Variants in SIPA1L1 observed in about 807,000 individuals in gnomAD.
SIPA1L1 encodes the protein signal-induced proliferation-associated 1-like protein 1.
In SIPA1L1, 26 loss-of-function variants were observed where a neutral mutation model predicts 162.7. The ratio of observed to expected loss-of-function variants is 0.16; its 90% CI spans 0.12 to 0.22. SIPA1L1 has a LOEUF of 0.22. Ranked by LOEUF, SIPA1L1 falls within the 10% of genes least tolerant of loss-of-function variation. SIPA1L1 has a pLI of 1.00. For missense variants in SIPA1L1, 1,874 were observed against 2,241.0 expected (o/e 0.84, Z 3.31); for synonymous variants, 829 against 837.4 (o/e 0.99, Z 0.17).
intron 4 of SIPA1L1, among the ~76,000 whole-genome samples, chr14:71,568,003 G>A (rs1446698076): frequency 1.3e-5 from 2 of 152,226 alleles, no homozygotes; most frequent in African/African-American, 2.4e-5. Flanking sequence ...ATAACGAGCA[G>A]TGAAGACAAC....
intron 2 of SIPA1L1, among the ~76,000 whole-genome samples, chr14:71,453,207 A>G (rs1347860883): frequency 6.6e-6 from 1 of 152,226 alleles, no homozygotes; most frequent in East Asian, 1.9e-4. Flanking sequence ...CAATATGCCA[A>G]TAATGACTCA....
chr14:71,478,995 C>T (rs2048105963), intron 2 of SIPA1L1, among the ~76,000 whole-genome samples: 2 of 152,094 alleles, frequency 1.3e-5, no homozygotes, highest in Non-Finnish European at 2.9e-5. Context: ...GTGTTTCCCC[C>T]ATTTTCTCCA....
chr14:71,701,439 C>T (rs1018183289), intron 14 of SIPA1L1, among the ~76,000 whole-genome samples: 6 of 150,990 alleles, frequency 4.0e-5, no homozygotes, highest in Non-Finnish European at 8.8e-5. Flanking sequence ...CAGGTCTTGA[C>T]TCTTGTCTTC....
At chr14:71,366,045 G>C (rs2038265678) in intron 2 of SIPA1L1, among the ~76,000 whole-genome samples, 1 of 151,968 alleles carries the variant, frequency 6.6e-6, no homozygotes, top group Non-Finnish European at 1.5e-5. Context: ...AAGTCTTAAA[G>C]CTGTGGTTCT....
chr14:71,414,624 A>T (rs1356596053), intron 2 of SIPA1L1, among the ~76,000 whole-genome samples: 3 of 152,194 alleles, frequency 2.0e-5, no homozygotes, highest in African/African-American at 7.2e-5. Context: ...TTACATGTTT[A>T]TGTTTTCCCT....
intron 2 of SIPA1L1, among the ~76,000 whole-genome samples, chr14:71,328,180 C>A (rs765817525): frequency 6.6e-6 from 1 of 152,088 alleles, no homozygotes; most frequent in Non-Finnish European, 1.5e-5. Context: ...AATAATGTTT[C>A]AGTAGATAAA....
chr14:71,476,722 G>C (rs1413565935), intron 2 of SIPA1L1, among the ~76,000 whole-genome samples: 1 of 151,270 alleles, frequency 6.6e-6, no homozygotes, highest in Non-Finnish European at 1.5e-5. Context: ...CTGTTGCCCA[G>C]GCTGGAGTGC....
intron 5 of SIPA1L1, among the ~76,000 whole-genome samples, chr14:71,609,923 G>A (rs2038006474): frequency 6.6e-6 from 1 of 151,352 alleles, no homozygotes; most frequent in Non-Finnish European, 1.5e-5. Context: ...AGTGCATGGA[G>A]TAAAAATACA....
rs117852226 is a variant in SIPA1L1, at chr14:71,666,172, T to G, written c.2255+4705T>G. On this transcript the variant is annotated intron_variant, in intron 10 of 23. Coordinates refer to ENST00000381232, the MANE Select transcript of SIPA1L1 (RefSeq NM_001386936.1). ...ATACAACCTCACCTATGAATTATTT[T>G]TGCTACCCCCTAAAAAAAATTAAAT... Among the ~76,000 whole-genome samples the G allele has an allele frequency of 9.5e-3, 1,444 of 152,284 alleles. 11 individuals are homozygous for G. Among genetic ancestry groups the G allele is most frequent in the Middle Eastern group, 0.017 (5 of 294 alleles).
intron 2 of SIPA1L1, among the ~76,000 whole-genome samples, chr14:71,360,650 G>A (rs2037723031): frequency 6.6e-6 from 1 of 152,184 alleles, no homozygotes. Flanking sequence ...GTGTAAGTAT[G>A]TGCATTATTT....
intron 2 of SIPA1L1, among the ~76,000 whole-genome samples, chr14:71,444,877 A>C (rs750099335): frequency 6.6e-6 from 1 of 152,204 alleles, no homozygotes; most frequent in African/African-American, 2.4e-5. Context: ...GCTCTTTGCC[A>C]CTAAAGCCTG....
intron 2 of SIPA1L1, among the ~76,000 whole-genome samples, chr14:71,337,056 C>T (rs904550683): frequency 6.6e-6 from 1 of 152,170 alleles, no homozygotes; most frequent in Admixed American, 6.5e-5. Context: ...TTCTAAGGGA[C>T]CACTTAGTTA....
chr14:71,730,171 C>T lies in SIPA1L1; in HGVS notation c.4731C>T (p.Phe1577=), dbSNP rs551486545. ...SIYNSQREHF[F]TSRASLLDQA... ...ACAATAGCCAGAGGGAGCACTTTTTCACCTCCAGGGCGTCACTTCTGGACC... is the reference window on the plus strand; with the variant it reads ...ACAATAGCCAGAGGGAGCACTTTTTTACCTCCAGGGCGTCACTTCTGGACC... Residue 1577 remains phenylalanine (F), a synonymous_variant, in exon 20 of 24, where the codon TTC becomes TTT. Transcript: ENST00000381232. The T allele has an allele frequency of 3.1e-6, 5 of 1,614,154 alleles. No individual in the cohort carries two copies. Among genetic ancestry groups the T allele is most frequent in the East Asian group, 4.5e-5 (2 of 44,884 alleles).
intron 2 of SIPA1L1, among the ~76,000 whole-genome samples, chr14:71,481,232 A>G (rs1288030851): frequency 1.3e-5 from 2 of 152,222 alleles, no homozygotes; most frequent in Non-Finnish European, 2.9e-5. Flanking sequence ...TAACCCTAGC[A>G]CTTTGAGAAC....
chr14:71,360,635 T>C (rs539978179), intron 2 of SIPA1L1, among the ~76,000 whole-genome samples: 1 of 152,248 alleles, frequency 6.6e-6, no homozygotes, highest in Non-Finnish European at 1.5e-5. Flanking sequence ...TTTCTCTTTT[T>C]ATGTGTGTAA....
chr14:71,544,239 T>C lies in SIPA1L1; in HGVS notation c.-303+14869T>C, dbSNP rs145463144. On this transcript the variant is annotated intron_variant, in intron 4 of 23. Transcript: ENST00000381232. ...TGTGTATATACATATATCATGTATG[T>C]ATACACATATGTATATACACATGAT... Among the ~76,000 whole-genome samples the C allele has an allele frequency of 7.3e-4, 105 of 144,342 alleles. 1 individual carries two copies. In the East Asian group the frequency reaches 0.017, roughly 23 times the overall value. 94.7% of individuals were successfully genotyped at this position (144,342 alleles called of 152,430 possible). A position where few individuals can be genotyped will look rare whatever the true frequency, so the allele number is the denominator to read the frequency against.
intron 2 of SIPA1L1, among the ~76,000 whole-genome samples, chr14:71,433,218 G>C (rs142769562): frequency 4.6e-5 from 7 of 152,266 alleles, no homozygotes; most frequent in African/African-American, 1.7e-4. Flanking sequence ...CTTTTTACCC[G>C]TTCAGGGAAC....
At chr14:71,330,505 C>G (rs564120867) in intron 2 of SIPA1L1, 1 of 1,597,558 alleles carries the variant, frequency 6.3e-7, no homozygotes, top group Non-Finnish European at 8.6e-7. Flanking sequence ...AAGTCCTGCT[C>G]TATGTGCATC....
chr14:71,476,992 C>T lies in SIPA1L1; in HGVS notation c.-464-35751C>T, dbSNP rs566764422. ...TTTGTGGGCCAGGCATAGTGGCTCA[C>T]GCCTATAATCCCAGCACTTTGGGAG... is the stretch of plus-strand genomic sequence containing the variant. On this transcript the variant is annotated intron_variant, in intron 2 of 23. Coordinates refer to ENST00000381232, the MANE Select transcript of SIPA1L1 (RefSeq NM_001386936.1). Among the ~76,000 whole-genome samples, 7 of 152,228 alleles carry T rather than the reference C, an allele frequency of 4.6e-5. No homozygotes were observed. In the South Asian group the frequency reaches 6.2e-4, roughly 14 times the overall value.
Sources: allele counts gnomAD v4.1 joint callset (sites outside exome capture counted in the v4.1 genomes callset), GRCh38; gene constraint gnomAD v4.1.1; transcripts MANE v1.5; gene names NCBI Gene and HGNC (gene_info 2026-07-23, HGNC 2026-07-21).